Variants in SMOC2 observed in about 807,000 individuals in gnomAD.
SMOC2 encodes the protein SPARC-related modular calcium-binding protein 2.
Under a neutral mutation model 61.4 loss-of-function variants are expected in SMOC2, and 39 were observed. The ratio of observed to expected loss-of-function variants is 0.64; its 90% confidence interval spans 0.49 to 0.83. SMOC2 has a LOEUF of 0.83. SMOC2 is among the 40% of genes least tolerant of loss of function. SMOC2 has a pLI of 0.00. For missense variants in SMOC2, 556 were observed against 592.9 expected (o/e 0.94, Z 0.65); for synonymous variants, 247 against 239.9 (o/e 1.03, Z -0.27).
At chr6:168,645,779 A>G (rs1787014134) in intron 9 of SMOC2, among the ~76,000 whole-genome samples, 1 of 152,126 alleles carries the variant, frequency 6.6e-6, no homozygotes, top group Non-Finnish European at 1.5e-5. Context: ...AGACGAGGAC[A>G]GTCTTTTCTC....
intron 5 of SMOC2, 117 bp downstream of exon 5, chr6:168,543,789 G>T: frequency 2.2e-6 from 2 of 922,848 alleles, no homozygotes; most frequent in Non-Finnish European, 3.4e-6. Context: ...AGCCGAACCA[G>T]TTTGTTACTT....
At chr6:168,653,273 G>A (rs1176612616) in intron 11 of SMOC2, 45 bp downstream of exon 11, 3 of 1,565,200 alleles carry the variant, frequency 1.9e-6, no homozygotes, top group African/African-American at 2.8e-5. Flanking sequence ...GTCAGGCCCT[G>A]AGGCCTGGGA....
intron 4 of SMOC2, among the ~76,000 whole-genome samples, chr6:168,539,718 T>G (rs1783833962): frequency 6.6e-6 from 1 of 152,218 alleles, no homozygotes; most frequent in South Asian, 2.1e-4. Flanking sequence ...TGGTGGTGGA[T>G]GGGCTGTGTG....
intron 2 of SMOC2, among the ~76,000 whole-genome samples, chr6:168,520,322 C>A (rs939163793): frequency 1.3e-5 from 2 of 152,150 alleles, no homozygotes; most frequent in African/African-American, 2.4e-5. Flanking sequence ...CATTTGATGC[C>A]AAAATCAATA....
intron 7 of SMOC2, among the ~76,000 whole-genome samples, chr6:168,569,071 A>G (rs1487593650): frequency 1.3e-5 from 2 of 152,228 alleles, no homozygotes; most frequent in African/African-American, 4.8e-5. Flanking sequence ...ATAACTAAGA[A>G]CACGATTGGT....
At chr6:168,482,944 A>T (rs1313928198) in intron 1 of SMOC2, among the ~76,000 whole-genome samples, 1 of 152,094 alleles carries the variant, frequency 6.6e-6, no homozygotes, top group Non-Finnish European at 1.5e-5. Flanking sequence ...CATTGTAAAC[A>T]TTATATTAAA....
At chr6:168,590,638 C>A (rs1360840225) in intron 7 of SMOC2, among the ~76,000 whole-genome samples, 1 of 152,272 alleles carries the variant, frequency 6.6e-6, no homozygotes, top group Non-Finnish European at 1.5e-5. Context: ...TGAAATATGG[C>A]CAAATATGGA....
chr6:168,548,351 C>CT (rs758386557), intron 6 of SMOC2, among the ~76,000 whole-genome samples: 35,851 of 127,128 alleles, frequency 0.28, 5,471 homozygotes, highest in South Asian at 0.4. Flanking sequence ...CACTACATTC[C>CT]TTTTTTTTTT....
intron 7 of SMOC2, among the ~76,000 whole-genome samples, chr6:168,569,393 G>C (rs889705121): frequency 6.6e-6 from 1 of 151,856 alleles, no homozygotes; most frequent in Non-Finnish European, 1.5e-5. Context: ...TTTAATTGTT[G>C]AATTTTAAGT....
At chr6:168,499,636 G>T (rs139942295) in intron 1 of SMOC2, among the ~76,000 whole-genome samples, 5 of 152,332 alleles carry the variant, frequency 3.3e-5, no homozygotes, top group African/African-American at 1.2e-4. Context: ...TCTTCTACGT[G>T]TGAAGGAAAT....
intron 1 of SMOC2, among the ~76,000 whole-genome samples, chr6:168,490,166 T>G (rs1008852522): frequency 1.8e-4 from 27 of 151,274 alleles, no homozygotes; most frequent in Non-Finnish European, 1.5e-4. Context: ...GATCACAGTT[T>G]TAGAGTGAAA....
intron 9 of SMOC2, among the ~76,000 whole-genome samples, chr6:168,632,253 C>T (rs551368109): frequency 4.7e-4 from 72 of 152,254 alleles, no homozygotes; most frequent in Middle Eastern, 3.4e-3. Flanking sequence ...TCCATCTCAA[C>T]GGCTGGGGCT....
At chr6:168,492,924 C>T (rs140543042) in intron 1 of SMOC2, among the ~76,000 whole-genome samples, 9 of 152,320 alleles carry the variant, frequency 5.9e-5, no homozygotes, top group South Asian at 4.1e-4. Flanking sequence ...CACTGCATGA[C>T]GTCGTAAGGC....
intron 1 of SMOC2, among the ~76,000 whole-genome samples, chr6:168,482,821 G>A (rs1466113821): frequency 6.6e-6 from 1 of 152,000 alleles, no homozygotes; most frequent in Non-Finnish European, 1.5e-5. Context: ...TCAATTAGAT[G>A]AAGAAAGCTT....
At chr6:168,466,588 TGTA>T (rs774847985) in intron 1 of SMOC2, among the ~76,000 whole-genome samples, 2 of 152,230 alleles carry the variant, frequency 1.3e-5, no homozygotes, top group Non-Finnish European at 2.9e-5. Flanking sequence ...TCTTCTCAGT[TGTA>T]GTGAGTTTCC....
intron 1 of SMOC2, among the ~76,000 whole-genome samples, chr6:168,483,279 G>A (rs1416200940): frequency 6.6e-6 from 1 of 151,892 alleles, no homozygotes; most frequent in Non-Finnish European, 1.5e-5. Flanking sequence ...AAAATCAATT[G>A]CACTTCTGTA....
At chr6:168,484,633 T>C (rs1406102474) in intron 1 of SMOC2, among the ~76,000 whole-genome samples, 1 of 152,222 alleles carries the variant, frequency 6.6e-6, no homozygotes, top group African/African-American at 2.4e-5. Context: ...CAAAGAGATA[T>C]TTGTATACTC....
At chr6:168,629,260 G>A (rs1307427000) in intron 9 of SMOC2, among the ~76,000 whole-genome samples, 6 of 152,232 alleles carry the variant, frequency 3.9e-5, no homozygotes, top group Admixed American at 2.6e-4. Flanking sequence ...CAGGGTCTCC[G>A]ACAGGTCCTC....
intron 1 of SMOC2, among the ~76,000 whole-genome samples, chr6:168,482,121 C>A: frequency 6.6e-6 from 1 of 150,844 alleles, no homozygotes; most frequent in Non-Finnish European, 1.5e-5. Flanking sequence ...TTGAAAAGAT[C>A]AATAAAATTG....
Sources: gnomAD v4.1 joint callset for allele counts (sites outside exome capture counted in the v4.1 genomes callset) on GRCh38, gnomAD v4.1.1 for gene constraint, MANE v1.5 for transcripts, NCBI Gene and HGNC (gene_info 2026-07-23, HGNC 2026-07-21) for gene names.